AP2A1: variants seen among roughly 807,000 people sequenced by gnomAD.
The protein encoded by AP2A1 is adaptor related protein complex 2 subunit alpha 1, also known as AP-2 complex subunit alpha-1.
In AP2A1, 21 loss-of-function variants were observed where a neutral mutation model predicts 107.3. That is an observed-to-expected ratio of 0.20 (90% CI 0.14 to 0.28). The LOEUF (loss-of-function observed/expected upper bound fraction) is 0.28, where lower values mean the gene tolerates loss of function less well. Ranked by LOEUF, AP2A1 falls within the 10% of genes least tolerant of loss-of-function variation. The pLI is 1.00. For synonymous variants in AP2A1, 602 were observed against 564.8 expected (o/e 1.07, Z -0.93); for missense variants, 873 against 1,307.7 (o/e 0.67, Z 5.13).
chr19:49,795,054 C>G (rs1170835611), intron 6 of AP2A1, among the ~76,000 whole-genome samples: 1 of 152,242 alleles, frequency 6.6e-6, no homozygotes, highest in Non-Finnish European at 1.5e-5. Flanking sequence ...AAAAAAGGGT[C>G]AGACCCAATC....
rs2084659164 is a variant in AP2A1, at chr19:49,780,155, G to T, written c.68-1602G>T. On this transcript the variant is annotated intron_variant, in intron 1 of 22. Transcript: ENST00000354293. ...GACATTTATAGAGCACCTGCTGTAT[G>T]CAGGGCACTGCTCTAGGAGCTCCCT... 3.3e-5 allele frequency among the ~76,000 whole-genome samples: 5 copies of T among 152,372 alleles called. No individual in the cohort carries two copies. The South Asian group carries it at 8.3e-4, about 25-fold the overall frequency.
intron 1 of AP2A1, among the ~76,000 whole-genome samples, chr19:49,771,320 A>AG (rs934786840): frequency 3.3e-5 from 5 of 151,418 alleles, no homozygotes; most frequent in Non-Finnish European, 5.9e-5. Context: ...AAAAAAAAAA[A>AG]AAAAAAGAAA....
Position 49,785,579 on chromosome 19 carries a change from GGA to G in AP2A1, c.473+2862_473+2863del. ...GGATTGCAGGGAGTCAGGGCGGGAG[GGA>G]GAGAGATCTGAGAGAGATCGGCACC... On this transcript the variant is annotated intron_variant, in intron 4 of 22. Coordinates refer to ENST00000354293, the MANE Select transcript of AP2A1 (RefSeq NM_130787.3). The surrounding 1 kb of genome is among the most constrained non-coding windows in gnomAD (Gnocchi z 4.1). 6.6e-6 allele frequency among the ~76,000 whole-genome samples: 1 copy of G among 152,118 alleles called. No homozygotes were observed. The highest frequency in any genetic ancestry group is 1.9e-4 in the East Asian group (1 of 5,182).
chr19:49,798,964 G>C lies in AP2A1; in HGVS notation c.965+12G>C. ...ATCCACTATGACAGGTGCCCGCCTG[G>C]GCCTATCAGGGCCTGATGCCTGGGG... On this transcript the variant is annotated intron_variant, in intron 8 of 22. Transcript: ENST00000354293. 1 of 1,551,784 alleles carries C rather than the reference G, an allele frequency of 6.4e-7. No individual in the cohort carries two copies. Among genetic ancestry groups the C allele is most frequent in the African/African-American group, 1.4e-5 (1 of 73,186 alleles).
Position 49,785,052 on chromosome 19 carries a change from CAA to C in AP2A1, c.473+2330_473+2331del, listed in dbSNP as rs1199170854. On this transcript the variant is annotated intron_variant, in intron 4 of 22. Coordinates refer to ENST00000354293, the MANE Select transcript of AP2A1 (RefSeq NM_130787.3). The surrounding 1 kb of genome is among the most constrained non-coding windows in gnomAD (Gnocchi z 4.1). ...AGCGATGGGGATTTTAGGAAAGAGA[CAA>C]AGACTCATGGAAGACAGAGAACATC... Among the ~76,000 whole-genome samples the C allele has an allele frequency of 1.1e-4, 16 of 152,244 alleles. No homozygotes were observed. The highest frequency in any genetic ancestry group is 3.4e-3 in the Middle Eastern group (1 of 294).
chr19:49,795,523 A>C (rs1399048539), intron 6 of AP2A1, 107 bp from the exon 7 acceptor site: 2 of 735,748 alleles, frequency 2.7e-6, no homozygotes, highest in Non-Finnish European at 4.7e-6. Context: ...AACCATTAAC[A>C]CTGACAGCAC....
chr19:49,803,036 C>A, intron 16 of AP2A1, 31 bp downstream of exon 16: 1 of 1,613,640 alleles, frequency 6.2e-7, no homozygotes, highest in Non-Finnish European at 8.5e-7. Flanking sequence ...GGGAGGGGAA[C>A]GGGACAGGTG....
At chr19:49,768,771 G>A (rs543824911) in intron 1 of AP2A1, among the ~76,000 whole-genome samples, 3 of 152,260 alleles carry the variant, frequency 2.0e-5, no homozygotes, top group African/African-American at 7.2e-5. Flanking sequence ...TACCCACCAG[G>A]GATGTGACCC....
intron 1 of AP2A1, among the ~76,000 whole-genome samples, chr19:49,774,162 C>G (rs1052272933): frequency 6.6e-6 from 1 of 152,182 alleles, no homozygotes; most frequent in African/African-American, 2.4e-5. Context: ...TGAGCCCCAG[C>G]CCCACCCGTT....
chr19:49,788,029 C>G lies in AP2A1; in HGVS notation c.474-3906C>G, dbSNP rs969863359. Among the ~76,000 whole-genome samples, 4 of 152,198 alleles carry G rather than the reference C, an allele frequency of 2.6e-5. No homozygotes were observed. The highest frequency in any genetic ancestry group is 9.6e-5 in the African/African-American group (4 of 41,452). Reference sequence around the variant, plus strand: ...TGGCATGATCATAGCTAACTGCAGCCCTGACCTCCCAGGCTCAGGTGATCC... The same window carrying G: ...TGGCATGATCATAGCTAACTGCAGCGCTGACCTCCCAGGCTCAGGTGATCC... On this transcript the variant is annotated intron_variant, in intron 4 of 22. Coordinates refer to ENST00000354293, the MANE Select transcript of AP2A1 (RefSeq NM_130787.3). The surrounding 1 kb of genome is among the most constrained non-coding windows in gnomAD (Gnocchi z 4.5).
chr19:49,772,636 C>G (rs1226138079), intron 1 of AP2A1, among the ~76,000 whole-genome samples: 1 of 151,908 alleles, frequency 6.6e-6, no homozygotes, highest in African/African-American at 2.4e-5. Context: ...GCTGGGACTA[C>G]AGGCGCCCGC....
chr19:49,774,918 CAAA>C (rs35089200), intron 1 of AP2A1, among the ~76,000 whole-genome samples: 16 of 121,116 alleles, frequency 1.3e-4, no homozygotes, highest in Admixed American at 1.7e-4. Context: ...GACTTTGTCT[CAAA>C]AAAAAAAAAA....
intron 20 of AP2A1, 38 bp downstream of exon 20, chr19:49,805,815 T>C (rs762540580): frequency 1.7e-6 from 2 of 1,196,050 alleles, no homozygotes; most frequent in Admixed American, 3.8e-5. Context: ...AAGCCGCGCC[T>C]CTGGGTGGGC....
Position 49,800,151 on chromosome 19 carries a change from G to GT in AP2A1, c.1455+2dup. On this transcript the variant is annotated splice_donor_variant, in intron 11 of 22. Transcript: ENST00000354293. LOFTEE classifies it high-confidence loss of function. Reference sequence around the variant, plus strand: ...CTATGCCGCCAAGACCGTCTTTGAGGTCAGCATCCCTGACCCTGACCCTAT... The same window carrying GT: ...CTATGCCGCCAAGACCGTCTTTGAGGTTCAGCATCCCTGACCCTGACCCTAT... 1 of 1,607,352 alleles carries GT rather than the reference G, an allele frequency of 6.2e-7. No homozygotes were observed. Among genetic ancestry groups the GT allele is most frequent in the Non-Finnish European group, 8.5e-7 (1 of 1,175,282 alleles).
chr19:49,773,855 C>T (rs1001072313), intron 1 of AP2A1, among the ~76,000 whole-genome samples: 2 of 152,108 alleles, frequency 1.3e-5, no homozygotes, highest in Non-Finnish European at 2.9e-5. Context: ...GGCCCTGAGG[C>T]AGGATTGTGC....
intron 7 of AP2A1, chr19:49,795,974 A>G: frequency 1.9e-6 from 1 of 532,878 alleles, no homozygotes; most frequent in East Asian, 3.2e-5. Context: ...GGTCCCTGCT[A>G]CCCGGGCTCT....
chr19:49,800,253 TCTCCTGCA>T, intron 11 of AP2A1, 103 bp downstream of exon 11: 1 of 1,356,120 alleles, frequency 7.4e-7, no homozygotes, highest in Non-Finnish European at 1.0e-6. Context: ...CCACCCTCCT[TCTCCTGCA>T]CTGCCGTGAC....
intron 4 of AP2A1, among the ~76,000 whole-genome samples, chr19:49,790,874 G>A (rs752604647): frequency 1.3e-5 from 2 of 152,240 alleles, no homozygotes; most frequent in Non-Finnish European, 2.9e-5. Flanking sequence ...TGGGAGTGCT[G>A]GACAGGCCGA....
chr19:49,806,086 G>A (rs903950102), intron 21 of AP2A1, 33 bp from the exon 22 acceptor site: 2 of 1,585,188 alleles, frequency 1.3e-6, no homozygotes, highest in African/African-American at 1.4e-5. Context: ...TAACAGCTCT[G>A]GCACACTCTG....
Sources: gnomAD v4.1 joint callset for allele counts (sites outside exome capture counted in the v4.1 genomes callset) on GRCh38, gnomAD v4.1.1 for gene constraint, Gnocchi (gnomAD v3.1) non-coding constraint, MANE v1.5 for transcripts, NCBI Gene and HGNC (gene_info 2026-07-23, HGNC 2026-07-21) for gene names.